FAM83A: variants seen among roughly 807,000 people sequenced by gnomAD.
FAM83A encodes the protein protein FAM83A.
A neutral mutation model predicts 24.4 loss-of-function variants in FAM83A; 21 were observed. That is an observed-to-expected ratio of 0.86 (90% CI 0.61 to 1.24). The LOEUF is 1.24. FAM83A is among the 50% of genes most tolerant of loss of function. The pLI, the probability that FAM83A is intolerant of heterozygous loss-of-function variation, is 0.00. For synonymous variants in FAM83A, 270 were observed against 252.4 expected, an observed-to-expected ratio of 1.07 and a Z score of -0.66; for missense variants, 617 against 579.8, an observed-to-expected ratio of 1.06 and a Z score of -0.66.
chr8:123,207,151 CTCCAGCT>C lies in FAM83A; in HGVS notation c.774-3_777del. 6.4e-7 allele frequency: 1 copy of C among 1,567,006 alleles called. No homozygotes were observed. The highest frequency in any genetic ancestry group is 8.7e-7 in the Non-Finnish European group (1 of 1,152,026). ...CTCCATCACTCTCTCTCCTCTTCCC[CTCCAGCT>C]TCACCTGGCTCTGCGGACACGTGCA... is the stretch of plus-strand genomic sequence containing the variant. On this transcript the variant is annotated splice_acceptor_variant and splice_polypyrimidine_tract_variant and coding_sequence_variant and intron_variant, in exon 4 of 4. Coordinates refer to ENST00000690554, the Ensembl canonical transcript of FAM83A. LOFTEE classifies it high-confidence loss of function.
intron 1 of FAM83A, among the ~76,000 whole-genome samples, chr8:123,188,106 C>T (rs1823863092): frequency 6.6e-6 from 1 of 151,902 alleles, no homozygotes; most frequent in Non-Finnish European, 1.5e-5. Context: ...AACTCCTGAC[C>T]TCAAGTGATC....
rs1156650664 is a variant in FAM83A at position 123,193,347 on chromosome 8, G to T, written c.649-677G>T. Among the ~76,000 whole-genome samples, 3 of 152,322 alleles carry T rather than the reference G, an allele frequency of 2.0e-5. No homozygotes were observed. In the East Asian group the frequency reaches 5.8e-4, roughly 29 times the overall value. Reference sequence around the variant, plus strand: ...GGGCTGGGCTTGCCTCCAAGTAACTGCCAGGCCACCTGTGGCTCATGGGGG... The same window carrying T: ...GGGCTGGGCTTGCCTCCAAGTAACTTCCAGGCCACCTGTGGCTCATGGGGG... On this transcript the variant is annotated intron_variant, in intron 2 of 3. Coordinates refer to ENST00000690554, the Ensembl canonical transcript of FAM83A.
At chr8:123,192,024 G>T in intron 2 of FAM83A, 54 bp downstream of exon 2, 1 of 1,575,656 alleles carries the variant, frequency 6.3e-7, no homozygotes, top group Non-Finnish European at 8.7e-7. Flanking sequence ...AGATAGGATA[G>T]TCTATGCAAT....
At chr8:123,188,919 T>G (rs1194026335) in intron 1 of FAM83A, among the ~76,000 whole-genome samples, 1 of 152,168 alleles carries the variant, frequency 6.6e-6, no homozygotes, top group Non-Finnish European at 1.5e-5. Flanking sequence ...TTTCCAAGCA[T>G]CCTTTAATTC....
chr8:123,179,159 C>T (rs1480511804), upstream of FAM83A: 1 of 152,166 alleles, frequency 6.6e-6, no homozygotes, highest in African/African-American at 2.4e-5. Context: ...TCTTTGATCA[C>T]TGCTATGGTT....
chr8:123,187,898 T>C (rs1175305684), intron 1 of FAM83A, among the ~76,000 whole-genome samples: 2 of 152,128 alleles, frequency 1.3e-5, no homozygotes, highest in East Asian at 1.9e-4. Flanking sequence ...TCTCGCTCTG[T>C]TGCCCAGGCT....
intron 1 of FAM83A, among the ~76,000 whole-genome samples, chr8:123,189,210 T>C (rs952791233): frequency 3.3e-5 from 5 of 152,198 alleles, no homozygotes; most frequent in Non-Finnish European, 7.3e-5. Flanking sequence ...GATCACAGCC[T>C]CATTATTAGA....
At chr8:123,191,283 C>T (rs1175144588) in intron 1 of FAM83A, among the ~76,000 whole-genome samples, 1 of 152,200 alleles carries the variant, frequency 6.6e-6, no homozygotes, top group Non-Finnish European at 1.5e-5. Context: ...GCGTGACTCC[C>T]TTCTCCATCC....
chr8:123,191,726 A>G (rs1241379656), intron 1 of FAM83A, 77 bp from the exon 2 acceptor site: 1 of 1,509,854 alleles, frequency 6.6e-7, no homozygotes, highest in East Asian at 2.3e-5. Context: ...GCCCACTGGG[A>G]CTCAGGCAGT....
chr8:123,198,004 C>T (rs916170829), intron 3 of FAM83A, among the ~76,000 whole-genome samples: 10 of 152,140 alleles, frequency 6.6e-5, no homozygotes, highest in Non-Finnish European at 2.9e-5. Flanking sequence ...GTGACAAGCA[C>T]CTGTAATCCC....
intron 1 of FAM83A, among the ~76,000 whole-genome samples, chr8:123,185,827 G>A (rs565077884): frequency 6.6e-6 from 1 of 152,342 alleles, no homozygotes; most frequent in Non-Finnish European, 1.5e-5. Flanking sequence ...GTCTCACTCT[G>A]TCGCCCAGGC....
intron 1 of FAM83A, among the ~76,000 whole-genome samples, chr8:123,186,876 C>A (rs185609844): frequency 3.2e-4 from 48 of 152,310 alleles, no homozygotes; most frequent in Non-Finnish European, 5.1e-4. Flanking sequence ...TGTGCCCCCA[C>A]ACCCAGGACG....
At chr8:123,200,958 A>C (rs1265517412) in intron 3 of FAM83A, among the ~76,000 whole-genome samples, 2 of 93,134 alleles carry the variant, frequency 2.1e-5, no homozygotes, top group Non-Finnish European at 5.0e-5. Flanking sequence ...ACAAATAAAC[A>C]AAAAAAAAAA....
chr8:123,180,463 T>A (rs76807108), upstream of FAM83A: 1 of 155,040 alleles, frequency 6.4e-6, no homozygotes, highest in Non-Finnish European at 1.4e-5. Context: ...CCCCGTGCTC[T>A]ACACGTTCAG....
chr8:123,207,362 A>AG lies in FAM83A; in HGVS notation c.980dup (p.Ser327ArgfsTer2). Reference sequence around the variant, plus strand: ...CCTTAGCAGCAGCAGTGGCTCCGCCAGTGACCGCACGTCCTCCAACCCCTT... The same window carrying AG: ...CCTTAGCAGCAGCAGTGGCTCCGCCAGGTGACCGCACGTCCTCCAACCCCTT... On this transcript the variant is annotated frameshift_variant, in exon 4 of 4. Coordinates refer to ENST00000690554, the Ensembl canonical transcript of FAM83A. LOFTEE classifies it low-confidence loss of function (END_TRUNC). The AG allele has an allele frequency of 6.2e-7, 1 of 1,611,188 alleles. No individual in the cohort carries two copies. Among genetic ancestry groups the AG allele is most frequent in the Non-Finnish European group, 8.5e-7 (1 of 1,179,378 alleles).
At chr8:123,182,871 G>A in exon 1 of FAM83A, 2 of 1,521,842 alleles carry the variant, frequency 1.3e-6, no homozygotes, top group Non-Finnish European at 1.8e-6. Context: ...GCCGGTCAAG[G>A]CACCTGGGCA....
Position 123,209,325 on chromosome 8 carries a change from T to G in FAM83A, c.*1637T>G. On this transcript the variant is annotated 3_prime_UTR_variant, in exon 4 of 4. Coordinates refer to ENST00000690554, the Ensembl canonical transcript of FAM83A. The surrounding 1 kb of genome is among the most constrained non-coding windows in gnomAD (Gnocchi z 4.7). ...CCATCCCTCTGTTCCAATTCTCCAC[T>G]GCTCCCAGCATGATCTGGGGCATCT... 3.5e-6 allele frequency: 5 copies of G among 1,423,614 alleles called. No homozygotes were observed. The highest frequency in any genetic ancestry group is 4.6e-6 in the Non-Finnish European group (5 of 1,095,508). 88.2% of individuals were successfully genotyped at this position (1,423,614 alleles called of 1,614,324 possible). A position where few individuals can be genotyped will look rare whatever the true frequency, so the allele number is the denominator to read the frequency against.
At chr8:123,196,290 G>A (rs1005915460) in intron 3 of FAM83A, among the ~76,000 whole-genome samples, 1 of 152,218 alleles carries the variant, frequency 6.6e-6, no homozygotes, top group Non-Finnish European at 1.5e-5. Context: ...GGGATTACAG[G>A]CATGAGCCAC....
chr8:123,205,273 G>C (rs1458627406), intron 3 of FAM83A, among the ~76,000 whole-genome samples: 1 of 152,214 alleles, frequency 6.6e-6, no homozygotes, highest in Non-Finnish European at 1.5e-5. Context: ...CTTTGGACTT[G>C]TTCTTGTTCT....
Sources: allele counts gnomAD v4.1 joint callset (sites outside exome capture counted in the v4.1 genomes callset), GRCh38; gene constraint gnomAD v4.1.1; non-coding constraint Gnocchi (gnomAD v3.1); transcripts MANE v1.5; gene names NCBI Gene and HGNC (gene_info 2026-07-23, HGNC 2026-07-21).